Variants in FKBP11 observed in about 807,000 individuals in gnomAD.
FKBP11 encodes the protein peptidyl-prolyl cis-trans isomerase FKBP11.
Under a neutral mutation model 24.7 loss-of-function variants are expected in FKBP11, and 21 were observed. The ratio of observed to expected loss-of-function variants is 0.85; its 90% CI spans 0.60 to 1.23. FKBP11 has a LOEUF of 1.23. Among genes scored for constraint, FKBP11 ranks in the 50% most tolerant of loss-of-function variants. The probability of loss-of-function intolerance (pLI) is 0.00; values close to 1 mark genes in which losing one functional copy is unlikely to be tolerated. For missense variants in FKBP11, 245 were observed against 248.7 expected (o/e 0.99, Z 0.10); for synonymous variants, 106 against 100.6 (o/e 1.05, Z -0.32).
intron 3 of FKBP11, 59 bp from the exon 4 acceptor site, chr12:48,924,315 A>T: frequency 6.2e-7 from 1 of 1,604,322 alleles, no homozygotes; most frequent in Non-Finnish European, 8.5e-7. Context: ...ATCCCATGAC[A>T]TGAAGATCAA....
At chr12:48,927,665 A>G (rs545145080), upstream of FKBP11, among the ~76,000 whole-genome samples, 25 of 152,154 alleles carry the variant, frequency 1.6e-4, no homozygotes, top group Non-Finnish European at 2.1e-4. Context: ...AGTTAACTAG[A>G]AAGCGTCCTT....
chr12:48,931,630 T>A, the FKBP11 span: 2 of 641,084 alleles, frequency 3.1e-6, no homozygotes, highest in East Asian at 5.7e-5. Flanking sequence ...GGAGAAACCC[T>A]ACCACAGTAC....
upstream of FKBP11, among the ~76,000 whole-genome samples, chr12:48,927,644 GC>G: frequency 6.6e-6 from 1 of 152,264 alleles, no homozygotes; most frequent in South Asian, 2.1e-4. Flanking sequence ...TTCCAAGAAG[GC>G]CCTTTAAAGA....
chr12:48,923,010 TG>T (rs1939870052), intron 5 of FKBP11: 4 of 727,592 alleles, frequency 5.5e-6, no homozygotes, highest in South Asian at 4.7e-5. Flanking sequence ...TAGCCGGTCG[TG>T]GTGGCGCATG....
chr12:48,925,017 G>GC, intron 2 of FKBP11, 29 bp downstream of exon 2: 179 of 1,553,394 alleles, frequency 1.2e-4, no homozygotes, highest in Admixed American at 1.6e-4. Flanking sequence ...CCCCTCCCAG[G>GC]CCCCGCCCCG....
chr12:48,937,872 G>C, the FKBP11 span: 6 of 156,002 alleles, frequency 3.8e-5, no homozygotes, highest in African/African-American at 1.4e-4. Flanking sequence ...AGGGTGGTGG[G>C]GCACTGGAAG....
chr12:48,928,069 AT>A, upstream of FKBP11, among the ~76,000 whole-genome samples: 1 of 69,574 alleles, frequency 1.4e-5, no homozygotes, highest in Non-Finnish European at 2.6e-5. Context: ...TTTTTTTGAG[AT>A]GGGGGTCTCT....
chr12:48,922,383 T>C, intron 5 of FKBP11, 182 bp from the exon 6 acceptor site: 2 of 694,990 alleles, frequency 2.9e-6, no homozygotes, highest in South Asian at 2.8e-5. Flanking sequence ...CAGAGTCCAG[T>C]GATAATCATG....
intron 5 of FKBP11, chr12:48,922,663 G>A: frequency 2.0e-6 from 2 of 992,816 alleles, no homozygotes; most frequent in Non-Finnish European, 2.4e-6. Context: ...TTCAACATAA[G>A]AGCTGAAGAG....
chr12:48,936,423 T>G, the FKBP11 span: 1 of 152,372 alleles, frequency 6.6e-6, no homozygotes, highest in Non-Finnish European at 1.5e-5. Context: ...AGCATAAAAT[T>G]AAACCTACCA....
chr12:48,935,692 G>T, the FKBP11 span: 8 of 152,244 alleles, frequency 5.3e-5, no homozygotes, highest in African/African-American at 1.7e-4. Flanking sequence ...GCCATCAGTT[G>T]TAAGAAGGAT....
At chr12:48,924,290 A>C in intron 3 of FKBP11, 34 bp from the exon 4 acceptor site, 1 of 1,613,790 alleles carries the variant, frequency 6.2e-7, no homozygotes, top group Non-Finnish European at 8.5e-7. Flanking sequence ...ACTGGAAGCT[A>C]TCCACCTTCC....
chr12:48,925,225 G>C, intron 1 of FKBP11, 75 bp downstream of exon 1: 8 of 1,588,522 alleles, frequency 5.0e-6, no homozygotes, highest in Non-Finnish European at 6.9e-6. Context: ...CGGCTCCCAG[G>C]TTCGCTGAGA....
At chr12:48,923,132 G>C (rs1342247119) in intron 5 of FKBP11, 1 of 1,097,206 alleles carries the variant, frequency 9.1e-7, no homozygotes, top group East Asian at 7.0e-5. Context: ...TGGGCAACAA[G>C]AGTGAAACTC....
chr12:48,932,167 A>AT, the FKBP11 span, among the ~76,000 whole-genome samples: 29 of 113,084 alleles, frequency 2.6e-4, no homozygotes, highest in Admixed American at 1.0e-3. Context: ...ATAAAAGTAA[A>AT]AATATATATA....
Position 48,922,190 on chromosome 12 carries a change from C to T in FKBP11, c.400G>A (p.Val134Met). Residue 134 changes from valine (V) to methionine (M), a missense_variant, in exon 6 of 6, where the codon GTG becomes ATG. Physicochemically the swap from Val to Met is conservative, Grantham distance 21 (BLOSUM62 1). Coordinates refer to ENST00000550765, the MANE Select transcript of FKBP11 (RefSeq NM_016594.3). ...FPPSVPADAV[V>M]QYDVELIALI... is the part of the protein sequence containing the mutation. ...GCAATCAGCTCCACGTCATACTGCA[C>T]CACTGCATCCGCTGGAGAGGCAGAG... is the stretch of plus-strand genomic sequence containing the variant. 1 of 1,612,130 alleles carries T rather than the reference C, an allele frequency of 6.2e-7. No individual in the cohort carries two copies.
At chr12:48,936,012 T>G in the FKBP11 span, 1 of 152,178 alleles carries the variant, frequency 6.6e-6, no homozygotes, top group Non-Finnish European at 1.5e-5. Flanking sequence ...CCGCGGGGTA[T>G]GATGGGAAGA....
chr12:48,923,747 T>C (rs1190627230), intron 5 of FKBP11, 35 bp downstream of exon 5: 1 of 1,607,048 alleles, frequency 6.2e-7, no homozygotes, highest in Admixed American at 1.7e-5. Flanking sequence ...GACTGGGTAT[T>C]TTGATGGCCT....
chr12:48,928,818 CTT>C (rs1196484675), upstream of FKBP11, among the ~76,000 whole-genome samples: 14 of 94,244 alleles, frequency 1.5e-4, no homozygotes, highest in African/African-American at 4.7e-4. Context: ...AAACTTCTAT[CTT>C]TTTTTTTTTT....
Sources: gnomAD v4.1 joint callset for allele counts (sites outside exome capture counted in the v4.1 genomes callset) on GRCh38, gnomAD v4.1.1 for gene constraint, MANE v1.5 for transcripts, NCBI Gene and HGNC (gene_info 2026-07-23, HGNC 2026-07-21) for gene names.